Variants in MAN1A2 observed in about 807,000 individuals in gnomAD.
MAN1A2 encodes the protein mannosidase alpha class 1A member 2.
A neutral mutation model predicts 75.7 loss-of-function variants in MAN1A2; 26 were observed. The ratio of observed to expected loss-of-function variants is 0.34; its 90% confidence interval spans 0.25 to 0.48. The LOEUF (loss-of-function observed/expected upper bound fraction) is 0.48. Ranked by LOEUF, MAN1A2 falls within the 20% of genes least tolerant of loss-of-function variation. The pLI, the probability that MAN1A2 is intolerant of heterozygous loss-of-function variation, is 0.99. For missense variants in MAN1A2, 562 were observed against 775.5 expected (o/e 0.72, Z 3.27); for synonymous variants, 247 against 264.6 (o/e 0.93, Z 0.65).
At chr1:117,486,361 G>T (rs769329438) in intron 8 of MAN1A2, among the ~76,000 whole-genome samples, 1 of 151,744 alleles carries the variant, frequency 6.6e-6, no homozygotes, top group Admixed American at 6.6e-5. Flanking sequence ...CTGACTGTGG[G>T]TTATACAAGT....
intron 11 of MAN1A2, among the ~76,000 whole-genome samples, chr1:117,500,976 T>C (rs935547412): frequency 2.6e-5 from 4 of 151,854 alleles, no homozygotes; most frequent in African/African-American, 9.7e-5. Context: ...ATGCTCCTTA[T>C]TTACAGGAAT....
chr1:117,405,476 C>A, intron 2 of MAN1A2, 73 bp from the exon 3 acceptor site: 2 of 901,950 alleles, frequency 2.2e-6, no homozygotes, highest in Admixed American at 3.5e-5. Flanking sequence ...GTAATAGAAC[C>A]CAAAATTGTA....
At chr1:117,372,918 G>T (rs1024597378) in intron 1 of MAN1A2, among the ~76,000 whole-genome samples, 1 of 151,994 alleles carries the variant, frequency 6.6e-6, no homozygotes, top group South Asian at 2.1e-4. Flanking sequence ...TGAGGGTCAG[G>T]TATATGTTTA....
intron 5 of MAN1A2, among the ~76,000 whole-genome samples, chr1:117,429,850 C>A (rs1202994046): frequency 1.5e-5 from 1 of 65,404 alleles, no homozygotes; most frequent in Admixed American, 1.3e-4. Context: ...GCTGGCCGGG[C>A]GGGGGGCCGA....
intron 12 of MAN1A2, among the ~76,000 whole-genome samples, chr1:117,518,715 T>C (rs1338460886): frequency 6.6e-6 from 1 of 152,012 alleles, no homozygotes. Context: ...AGAAATCAGA[T>C]AGACAGCAAC....
intron 5 of MAN1A2, among the ~76,000 whole-genome samples, chr1:117,428,156 C>T (rs1039688168): frequency 6.6e-6 from 1 of 151,474 alleles, no homozygotes; most frequent in Non-Finnish European, 1.5e-5. Context: ...CTCTTGTCAC[C>T]CAGACTGGAG....
chr1:117,394,103 A>T (rs1271381834), intron 1 of MAN1A2, among the ~76,000 whole-genome samples: 5 of 145,546 alleles, frequency 3.4e-5, no homozygotes, highest in South Asian at 2.1e-4. Flanking sequence ...TTTTTTTGAG[A>T]TGGAGTCTTG....
chr1:117,386,715 C>T (rs1184695495), intron 1 of MAN1A2, among the ~76,000 whole-genome samples: 1 of 48,884 alleles, frequency 2.0e-5, no homozygotes, highest in Non-Finnish European at 4.2e-5. Context: ...TGGCTCGGCT[C>T]AGTGGCTCAT....
At chr1:117,519,180 C>G (rs548533621) in intron 12 of MAN1A2, among the ~76,000 whole-genome samples, 2 of 152,088 alleles carry the variant, frequency 1.3e-5, no homozygotes, top group Admixed American at 1.3e-4. Flanking sequence ...TGGGATACAG[C>G]AAAGGCAGTG....
chr1:117,504,991 C>T (rs1392971677), intron 12 of MAN1A2, among the ~76,000 whole-genome samples: 1 of 151,436 alleles, frequency 6.6e-6, no homozygotes, highest in Non-Finnish European at 1.5e-5. Context: ...TGATTATTGT[C>T]ATGTAAACAA....
chr1:117,404,453 C>T (rs1647547587), intron 2 of MAN1A2, among the ~76,000 whole-genome samples: 1 of 152,106 alleles, frequency 6.6e-6, no homozygotes, highest in African/African-American at 2.4e-5. Flanking sequence ...TGGCTCTAAA[C>T]AAGGGCTTCA....
Position 117,448,866 on chromosome 1 carries a change from T to C in MAN1A2, c.950+6541T>C, listed in dbSNP as rs1002805371. Among the ~76,000 whole-genome samples the C allele has an allele frequency of 1.8e-4, 28 of 152,194 alleles. 1 individual carries two copies. The highest frequency in any genetic ancestry group is 6.5e-5 in the Admixed American group (1 of 15,282). On this transcript the variant is annotated intron_variant, in intron 6 of 12. Coordinates refer to ENST00000356554, the MANE Select transcript of MAN1A2 (RefSeq NM_006699.5). The stretch of plus-strand genomic sequence containing the variant: ...TTGTTCTTTGCAGATATTCTTTTTT[T>C]CCTTTTTCTTTTTTTTAAACAAATT...
At chr1:117,403,308 G>A (rs1647503927) in intron 2 of MAN1A2, among the ~76,000 whole-genome samples, 1 of 152,144 alleles carries the variant, frequency 6.6e-6, no homozygotes, top group Non-Finnish European at 1.5e-5. Flanking sequence ...ATAAAACCTT[G>A]ACCTTGATGG....
chr1:117,414,971 G>A, intron 4 of MAN1A2, 140 bp downstream of exon 4: 1 of 534,866 alleles, frequency 1.9e-6, no homozygotes, highest in South Asian at 3.0e-5. Context: ...CTAGAAGATG[G>A]GGACTTTGGG....
intron 8 of MAN1A2, among the ~76,000 whole-genome samples, chr1:117,472,814 T>G (rs985421334): frequency 1.3e-5 from 2 of 150,722 alleles, no homozygotes; most frequent in South Asian, 2.1e-4. Context: ...AACATGAGAT[T>G]TTTTTTTTTA....
At chr1:117,467,967 A>G (rs1036773029) in intron 8 of MAN1A2, among the ~76,000 whole-genome samples, 6 of 152,142 alleles carry the variant, frequency 3.9e-5, no homozygotes, top group African/African-American at 1.2e-4. Context: ...AGCCTTTTCT[A>G]AGCATGTCAT....
intron 8 of MAN1A2, among the ~76,000 whole-genome samples, chr1:117,484,513 T>C (rs1650599863): frequency 6.6e-6 from 1 of 151,960 alleles, no homozygotes; most frequent in Non-Finnish European, 1.5e-5. Flanking sequence ...GCAAGAACCA[T>C]GAGAAATCGC....
chr1:117,410,784 A>C (rs1241729845), intron 3 of MAN1A2, among the ~76,000 whole-genome samples: 1 of 151,828 alleles, frequency 6.6e-6, no homozygotes, highest in African/African-American at 2.4e-5. Context: ...TTAATATGCA[A>C]AACCAATTAT....
chr1:117,399,138 C>T (rs115527765), intron 1 of MAN1A2, among the ~76,000 whole-genome samples: 4,981 of 152,164 alleles, frequency 0.033, 115 homozygotes, highest in Non-Finnish European at 0.047. Flanking sequence ...TGCCCATGTG[C>T]GTGGTGAAGC....
Sources: allele counts gnomAD v4.1 joint callset (sites outside exome capture counted in the v4.1 genomes callset), GRCh38; gene constraint gnomAD v4.1.1; transcripts MANE v1.5; gene names NCBI Gene and HGNC (gene_info 2026-07-23, HGNC 2026-07-21).